Variants in GRID1 observed in about 807,000 individuals in gnomAD.
GRID1 encodes the protein glutamate receptor ionotropic, delta-1.
GRID1 carries 28 observed loss-of-function variants against 98.0 expected under a neutral mutation model. The observed-to-expected ratio is 0.29, with a 90% CI of 0.21 to 0.39. The LOEUF (loss-of-function observed/expected upper bound fraction) is 0.39. Ranked by LOEUF, GRID1 falls within the 10% of genes least tolerant of loss-of-function variation. GRID1 has a pLI of 1.00. For synonymous variants in GRID1, 553 were observed against 538.5 expected (o/e 1.03, Z -0.37); for missense variants, 1,111 against 1,340.5 (o/e 0.83, Z 2.67).
chr10:85,987,856 T>C (rs529366363), intron 4 of GRID1, among the ~76,000 whole-genome samples: 1 of 152,100 alleles, frequency 6.6e-6, no homozygotes, highest in East Asian at 1.9e-4. Context: ...ATCCTCACCT[T>C]TTTCTTCATA....
intron 4 of GRID1, among the ~76,000 whole-genome samples, chr10:86,008,767 A>T (rs1333443432): frequency 6.6e-6 from 1 of 152,218 alleles, no homozygotes; most frequent in Non-Finnish European, 1.5e-5. Flanking sequence ...GTAAATCAAG[A>T]ACATCTCCCA....
At position 85,728,004 on chromosome 10, in the gene GRID1, G is replaced by T. The variant is rs370285045; in HGVS notation, c.1384C>A (p.Arg462Ser). The stretch of plus-strand genomic sequence containing the variant: ...ACATCTATGGAGAACCCTTTGTAGC[G>T]CTTGGGCTGTCCTAGGATGTTCTCA... ...VAENILGQPK[R>S]YKGFSIDVLD... Residue 462 changes from arginine to serine, a missense_variant, in exon 10 of 16, where the codon CGC (arginine) becomes AGC (serine). Around this residue, in one of 3 missense-constraint regions of GRID1, gnomAD observed 762 missense variants for 869.1 expected, o/e 0.88. Transcript: ENST00000327946. 1.9e-6 allele frequency: 3 copies of T among 1,613,746 alleles called. No homozygotes were observed. Among genetic ancestry groups the T allele is most frequent in the East Asian group, 2.2e-5 (1 of 44,878 alleles).
intron 4 of GRID1, among the ~76,000 whole-genome samples, chr10:86,055,317 T>G (rs1187154756): frequency 6.6e-6 from 1 of 152,238 alleles, no homozygotes; most frequent in Non-Finnish European, 1.5e-5. Context: ...TTTTCTGTTA[T>G]GGATTGAATG....
chr10:85,708,127 A>C (rs182558497), intron 12 of GRID1, among the ~76,000 whole-genome samples: 5,980 of 122,418 alleles, frequency 0.049, 141 homozygotes, highest in Middle Eastern at 0.054. Context: ...AAAAAAAAAA[A>C]AAAACACAAG....
rs368280716 is a variant in GRID1 at position 85,656,468 on chromosome 10, GAC to G, written c.1998-9073_1998-9072del. 2.1e-3 allele frequency among the ~76,000 whole-genome samples: 319 copies of G among 152,208 alleles called. 2 individuals carry two copies. Among genetic ancestry groups the G allele is most frequent in the African/African-American group, 7.3e-3 (305 of 41,544 alleles). ...ATCTATACATTGATGACTGTAGTGG[GAC>G]ACACCAGCCCTGACCTACCTCATCC... is the stretch of plus-strand genomic sequence containing the variant. On this transcript the variant is annotated intron_variant, in intron 12 of 15. Coordinates refer to ENST00000327946, the MANE Select transcript of GRID1 (RefSeq NM_017551.3).
intron 12 of GRID1, among the ~76,000 whole-genome samples, chr10:85,693,232 A>G (rs1416828185): frequency 1.3e-5 from 2 of 152,204 alleles, no homozygotes; most frequent in Non-Finnish European, 2.9e-5. Context: ...TTAACAGAGT[A>G]GTTCTGGGGT....
intron 8 of GRID1, among the ~76,000 whole-genome samples, chr10:85,783,203 G>C (rs982722341): frequency 6.6e-6 from 1 of 150,570 alleles, no homozygotes; most frequent in Non-Finnish European, 1.5e-5. Context: ...TCCAGACTCT[G>C]TGAAGCAAAG....
chr10:86,144,121 C>A (rs1389470703), intron 3 of GRID1, among the ~76,000 whole-genome samples: 1 of 152,170 alleles, frequency 6.6e-6, no homozygotes, highest in Non-Finnish European at 1.5e-5. Context: ...CAGAACTTAA[C>A]ATTTCAGAGG....
intron 12 of GRID1, among the ~76,000 whole-genome samples, chr10:85,656,205 C>A (rs1175928521): frequency 6.6e-6 from 1 of 152,142 alleles, no homozygotes; most frequent in Non-Finnish European, 1.5e-5. Flanking sequence ...GTCTTCACAT[C>A]CCTCCAACCA....
chr10:85,802,112 G>C (rs775394151), intron 8 of GRID1, among the ~76,000 whole-genome samples: 31 of 152,144 alleles, frequency 2.0e-4, no homozygotes, highest in Non-Finnish European at 3.7e-4. Context: ...AAAATGAACT[G>C]TTAACCCATG....
chr10:86,244,025 T>C (rs1235779792), intron 2 of GRID1, among the ~76,000 whole-genome samples: 1 of 152,204 alleles, frequency 6.6e-6, no homozygotes, highest in African/African-American at 2.4e-5. Context: ...TGTATACATG[T>C]ATGTGTGCAC....
chr10:85,853,338 A>C (rs1843077898), intron 8 of GRID1, among the ~76,000 whole-genome samples: 1 of 152,210 alleles, frequency 6.6e-6, no homozygotes, highest in African/African-American at 2.4e-5. Flanking sequence ...CTCTTTGCTG[A>C]GGGCTTATCC....
At chr10:85,802,281 G>A (rs1179899551) in intron 8 of GRID1, among the ~76,000 whole-genome samples, 1 of 152,096 alleles carries the variant, frequency 6.6e-6, no homozygotes, top group Non-Finnish European at 1.5e-5. Flanking sequence ...GAAGAACTGG[G>A]AGAGAGAACC....
chr10:85,893,538 T>C (rs1052974929), intron 5 of GRID1, among the ~76,000 whole-genome samples: 3 of 152,134 alleles, frequency 2.0e-5, no homozygotes, highest in Non-Finnish European at 4.4e-5. Context: ...TTAGCAAGAT[T>C]AGGAACACAA....
At chr10:86,230,582 G>A (rs115124131) in intron 2 of GRID1, among the ~76,000 whole-genome samples, 1,742 of 152,274 alleles carry the variant, frequency 0.011, 39 homozygotes, top group African/African-American at 0.039. Context: ...ATTTCTTTCT[G>A]TCTCCACACC....
At chr10:85,620,103 T>G in intron 13 of GRID1, 70 bp from the exon 14 acceptor site, 1 of 1,338,680 alleles carries the variant, frequency 7.5e-7, no homozygotes, top group Non-Finnish European at 1.1e-6. Context: ...TGGTGAGCCA[T>G]CTTGATGGTG....
chr10:86,157,004 G>A (rs1845254701), intron 3 of GRID1, among the ~76,000 whole-genome samples: 1 of 152,162 alleles, frequency 6.6e-6, no homozygotes, highest in Non-Finnish European at 1.5e-5. Flanking sequence ...CAGGGGAAGA[G>A]TGAACAAGCT....
intron 5 of GRID1, among the ~76,000 whole-genome samples, chr10:85,883,468 G>A (rs1054660801): frequency 1.3e-5 from 2 of 149,822 alleles, no homozygotes; most frequent in Non-Finnish European, 3.0e-5. Context: ...TCTTTCCTTC[G>A]TTTTCCTTTG....
chr10:85,719,435 A>T (rs1215891358), intron 12 of GRID1, among the ~76,000 whole-genome samples: 2 of 152,252 alleles, frequency 1.3e-5, no homozygotes, highest in East Asian at 3.8e-4. Context: ...GAACAAAAAA[A>T]AAGTTTTAAT....
Sources: gnomAD v4.1 joint callset for allele counts (sites outside exome capture counted in the v4.1 genomes callset) on GRCh38, gnomAD v4.1.1 for gene constraint, gnomAD v4.1.1 regional missense constraint, MANE v1.5 for transcripts, NCBI Gene and HGNC (gene_info 2026-07-23, HGNC 2026-07-21) for gene names.